Variants in APAF1 observed in about 807,000 individuals in gnomAD.
APAF1 encodes the protein apoptotic peptidase activating factor 1, also known as apoptotic protease-activating factor 1.
In APAF1, 91 loss-of-function variants were observed where a neutral mutation model predicts 152.4. The observed-to-expected ratio is 0.60, with a 90% CI of 0.50 to 0.71. APAF1 has a LOEUF of 0.71. APAF1 is among the 30% of genes least tolerant of loss of function. The pLI is 0.00. For missense variants in APAF1, 1,283 were observed against 1,472.0 expected (o/e 0.87, Z 2.10); for synonymous variants, 484 against 494.1 (o/e 0.98, Z 0.27).
At position 98,703,404 on chromosome 12, in the gene APAF1, GA is replaced by G; in HGVS notation, c.2503del (p.Ile835SerfsTer30). On this transcript the variant is annotated frameshift_variant, in exon 18 of 27. Transcript: ENST00000551964. LOFTEE classifies it high-confidence loss of function. ...CATTCATACTAGTGGCCTATTGGGA[GA>G]AATCCACACGGGCCATCACAGCACC... ...FDIHTSGLLG[E>X]IHTGHHSTIQ... 1 of 1,614,108 alleles carries G rather than the reference GA, an allele frequency of 6.2e-7. No homozygotes were observed. The highest frequency in any genetic ancestry group is 8.5e-7 in the Non-Finnish European group (1 of 1,179,992).
At chr12:98,706,427 T>C in intron 18 of APAF1, 58 bp from the exon 19 acceptor site, 2 of 1,578,566 alleles carry the variant, frequency 1.3e-6, no homozygotes, top group Non-Finnish European at 1.7e-6. Flanking sequence ...TTCAATATTT[T>C]TGCTCTCTTC....
intron 22 of APAF1, among the ~76,000 whole-genome samples, chr12:98,722,965 A>C (rs1360733151): frequency 1.3e-5 from 2 of 152,148 alleles, no homozygotes; most frequent in African/African-American, 4.8e-5. Flanking sequence ...AAGAAAACAA[A>C]TTTTATTTAG....
chr12:98,660,113 TG>T (rs2097663127), intron 5 of APAF1, among the ~76,000 whole-genome samples: 1 of 152,064 alleles, frequency 6.6e-6, no homozygotes, highest in African/African-American at 2.4e-5. Flanking sequence ...TGGGAGGCCA[TG>T]GTGGATAGTT....
At chr12:98,670,082 G>A (rs908218283) in intron 10 of APAF1, among the ~76,000 whole-genome samples, 3 of 152,010 alleles carry the variant, frequency 2.0e-5, no homozygotes, top group Admixed American at 6.5e-5. Flanking sequence ...GTAGCTGGGA[G>A]CACGGGTGTG....
chr12:98,709,998 C>T (rs2288717), intron 20 of APAF1, among the ~76,000 whole-genome samples: 3,260 of 152,272 alleles, frequency 0.021, 53 homozygotes, highest in East Asian at 0.087. Context: ...GCCTGAGCCT[C>T]CTGAGTAGCT....
intron 22 of APAF1, 24 bp downstream of exon 22, chr12:98,715,576 A>G (rs909368403): frequency 1.2e-6 from 2 of 1,612,358 alleles, no homozygotes; most frequent in Non-Finnish European, 1.7e-6. Context: ...TGAACTCTTA[A>G]CATATTTAAT....
In APAF1 at chr12:98,699,393, T is replaced by C. The variant is rs575848340; in HGVS notation, c.2305-15T>C. ...GTAAAACAAACTTTTTCTTTTTTAT[T>C]ACTTTAATTCAAAGCTTTGGGATGC... On this transcript the variant is annotated splice_polypyrimidine_tract_variant and intron_variant, in intron 16 of 26. Coordinates refer to ENST00000551964, the MANE Select transcript of APAF1 (RefSeq NM_181861.2). 11 of 1,612,828 alleles carry C rather than the reference T, an allele frequency of 6.8e-6. No homozygotes were observed. The African/African-American group carries it at 1.5e-4, about 22-fold the overall frequency.
intron 4 of APAF1, among the ~76,000 whole-genome samples, chr12:98,654,318 A>G (rs1343099862): frequency 2.0e-5 from 3 of 152,212 alleles, no homozygotes; most frequent in Admixed American, 1.3e-4. Context: ...CTTTGACCCT[A>G]GGTAATAGGT....
chr12:98,726,142 A>G (rs961445221), intron 25 of APAF1, among the ~76,000 whole-genome samples: 1 of 152,064 alleles, frequency 6.6e-6, no homozygotes, highest in Non-Finnish European at 1.5e-5. Flanking sequence ...ATACATACAA[A>G]CCATGCCAAT....
rs774849783 is a variant in APAF1 at position 98,671,089 on chromosome 12, A to G, written c.1608+3A>G. On this transcript the variant is annotated splice_donor_region_variant and intron_variant, in intron 11 of 26. Coordinates refer to ENST00000551964, the MANE Select transcript of APAF1 (RefSeq NM_181861.2). ...ACAGACATATACTAGATGAAAAGGT[A>G]TATATATTAACATGAAAAATTAGTG... is the stretch of plus-strand genomic sequence containing the variant. 1 of 1,527,760 alleles carries G rather than the reference A, an allele frequency of 6.5e-7. No individual in the cohort carries two copies. Among genetic ancestry groups the G allele is most frequent in the East Asian group, 2.3e-5 (1 of 44,344 alleles). The allele number at this position is 1,527,760 out of a possible 1,614,324, so 94.6% of individuals were successfully genotyped here.
chr12:98,704,566 G>A (rs1038644347), intron 18 of APAF1, among the ~76,000 whole-genome samples: 1 of 152,202 alleles, frequency 6.6e-6, no homozygotes, highest in Non-Finnish European at 1.5e-5. Context: ...AGAGGCACAG[G>A]TGAGAGTGAG....
At chr12:98,685,175 T>C (rs1019951186) in intron 15 of APAF1, among the ~76,000 whole-genome samples, 1 of 152,236 alleles carries the variant, frequency 6.6e-6, no homozygotes, top group African/African-American at 2.4e-5. Flanking sequence ...TTTAATCTTA[T>C]TAGCATAAAT....
chr12:98,650,306 A>G (rs1210088996), intron 4 of APAF1, among the ~76,000 whole-genome samples: 1 of 151,944 alleles, frequency 6.6e-6, no homozygotes, highest in Admixed American at 6.6e-5. Context: ...AACATGGTGA[A>G]ATCCCGTCTC....
chr12:98,706,877 T>C (rs761899526), intron 19 of APAF1, among the ~76,000 whole-genome samples: 1 of 152,216 alleles, frequency 6.6e-6, no homozygotes, highest in Non-Finnish European at 1.5e-5. Flanking sequence ...TGCATTTGAT[T>C]CCTCAGAAAA....
At chr12:98,704,426 G>A (rs1001642099) in intron 18 of APAF1, among the ~76,000 whole-genome samples, 2 of 152,186 alleles carry the variant, frequency 1.3e-5, no homozygotes, top group Non-Finnish European at 2.9e-5. Flanking sequence ...CCTCATCAAG[G>A]GAGCCATGAC....
chr12:98,715,687 G>C (rs1593105226), intron 22 of APAF1, 135 bp downstream of exon 22: 3 of 997,046 alleles, frequency 3.0e-6, no homozygotes, highest in East Asian at 5.0e-5. Flanking sequence ...CATGGGCTTA[G>C]ATGAAACCTA....
chr12:98,666,556 T>C (rs1208221114), intron 9 of APAF1, among the ~76,000 whole-genome samples, 199 bp downstream of exon 9: 1 of 152,224 alleles, frequency 6.6e-6, no homozygotes, highest in Non-Finnish European at 1.5e-5. Flanking sequence ...TTCACTAACC[T>C]ACGTGTTCTT....
chr12:98,710,734 C>T (rs963594506), intron 20 of APAF1, among the ~76,000 whole-genome samples: 1 of 152,216 alleles, frequency 6.6e-6, no homozygotes, highest in Non-Finnish European at 1.5e-5. Context: ...CAAACCTTAA[C>T]AAGTTGTAAA....
intron 7 of APAF1, 120 bp from the exon 8 acceptor site, chr12:98,665,433 T>G: frequency 2.5e-6 from 2 of 784,586 alleles, no homozygotes; most frequent in Non-Finnish European, 4.5e-6. Context: ...TGATAAATAC[T>G]TAAGGCTTTT....
Sources: gnomAD v4.1 joint callset for allele counts (sites outside exome capture counted in the v4.1 genomes callset) on GRCh38, gnomAD v4.1.1 for gene constraint, MANE v1.5 for transcripts, NCBI Gene and HGNC (gene_info 2026-07-23, HGNC 2026-07-21) for gene names.